The following MCF2L variants were observed in gnomAD, a reference collection of about 807,000 sequenced individuals.
MCF2L encodes the protein MCF.2 cell line derived transforming sequence like, also known as guanine nucleotide exchange factor DBS.
Under a neutral mutation model 153.4 loss-of-function variants are expected in MCF2L, and 97 were observed. That is an observed-to-expected ratio of 0.63 (90% CI 0.54 to 0.75). MCF2L has a LOEUF of 0.75. MCF2L is among the 30% of genes least tolerant of loss of function. The pLI, the probability that MCF2L is intolerant of heterozygous loss-of-function variation, is 0.00. For synonymous variants in MCF2L, 659 were observed against 632.2 expected (o/e 1.04, Z -0.64); for missense variants, 1,347 against 1,495.2 (o/e 0.90, Z 1.64).
At chr13:112,928,957 C>G (rs1002702327) in intron 2 of MCF2L, among the ~76,000 whole-genome samples, 3 of 152,214 alleles carry the variant, frequency 2.0e-5, no homozygotes, top group African/African-American at 7.2e-5. Flanking sequence ...CCTGTGGACA[C>G]AGAACCAGGA....
chr13:112,956,501 T>C (rs2081758983), intron 2 of MCF2L: 1 of 152,266 alleles, frequency 6.6e-6, no homozygotes. Context: ...CATTTATAAA[T>C]TTATAAAATT....
At chr13:112,900,596 G>C (rs72660087) in intron 1 of MCF2L, among the ~76,000 whole-genome samples, 4,830 of 152,254 alleles carry the variant, frequency 0.032, 104 homozygotes, top group Middle Eastern at 0.048. Context: ...GTGTGTTTGT[G>C]GGGTGGGAGT....
Position 113,053,615 on chromosome 13 carries a change from C to T in MCF2L, c.370-6978C>T, listed in dbSNP as rs1184846159. Among the ~76,000 whole-genome samples, 3 of 152,104 alleles carry T rather than the reference C, an allele frequency of 2.0e-5. No homozygotes were observed. The highest frequency in any genetic ancestry group is 6.5e-5 in the Admixed American group (1 of 15,274). ...ATGTGTGGTGATGCTCAGGACGGGG[C>T]GAAGGTCCCGTGGCTGAGGTGTCCA... On this transcript the variant is annotated intron_variant, in intron 4 of 29. Transcript: ENST00000535094. The surrounding 1 kb of genome is among the most constrained non-coding windows in gnomAD (Gnocchi z 4.4).
At chr13:113,093,021 C>A (rs932181168) in intron 26 of MCF2L, among the ~76,000 whole-genome samples, 3 of 152,244 alleles carry the variant, frequency 2.0e-5, no homozygotes, top group Non-Finnish European at 4.4e-5. Context: ...CAGCAGCCCC[C>A]CTTTTTTTGT....
rs769542709 is a variant in MCF2L, at chr13:112,904,909, G to GT, written c.169+2546dup. Among the ~76,000 whole-genome samples the GT allele has an allele frequency of 5.7e-4, 87 of 152,140 alleles. No individual in the cohort carries two copies. The highest frequency in any genetic ancestry group is 1.3e-3 in the African/African-American group (52 of 41,492). ...CAGAACAATTTCGAAATCAGTGATA[G>GT]TTTTTTTTGTCATAAAATAGACACC... On this transcript the variant is annotated intron_variant, in intron 2 of 29. Coordinates refer to the MCF2L transcript ENST00000375608. The surrounding 1 kb of genome is among the most constrained non-coding windows in gnomAD (Gnocchi z 4.2).
intron 3 of MCF2L, chr13:113,044,860 G>A (rs1186991187): frequency 9.9e-6 from 16 of 1,612,928 alleles, no homozygotes; most frequent in Non-Finnish European, 1.2e-5. Flanking sequence ...GACCAGCACG[G>A]GCACCTCAGA....
At chr13:113,087,668 A>G (rs1304189951) in intron 22 of MCF2L, 39 bp from the exon 23 acceptor site, 2 of 1,511,596 alleles carry the variant, frequency 1.3e-6, no homozygotes, top group African/African-American at 2.7e-5. Context: ...CAGTGGGTTC[A>G]CTGTGCACGC....
At chr13:112,981,445 A>T (rs568640834) in intron 1 of MCF2L, among the ~76,000 whole-genome samples, 43 of 152,314 alleles carry the variant, frequency 2.8e-4, no homozygotes, top group Admixed American at 8.5e-4. Context: ...CGTCCACGAC[A>T]TTCACACTCA....
At position 113,087,760 on chromosome 13, in the gene MCF2L, G is replaced by T. The variant is rs2034774954; in HGVS notation, c.2649G>T (p.Glu883Asp). Residue 883 changes from glutamate (E) to aspartate (D), a missense_variant, in exon 23 of 30, where the codon GAG becomes GAT. Glu to Asp is a conservative substitution (Grantham distance 45, BLOSUM62 2). Transcript: ENST00000535094. ...TGAAGGGAGATGCTAAGAAGTTCGA[G>T]ATCTGGTACAACGCGCGCGAGGAGG... ...ENVKGDAKKFEIWYNAREEVY... is the reference protein window; with the variant it reads ...ENVKGDAKKFDIWYNAREEVY... 1 of 1,614,028 alleles carries T rather than the reference G, an allele frequency of 6.2e-7. No homozygotes were observed. Among genetic ancestry groups the T allele is most frequent in the Non-Finnish European group, 8.5e-7 (1 of 1,180,048 alleles).
rs9549646 is a variant in MCF2L, at chr13:113,031,304, G to A, written c.278+6546G>A. ...GGAGACACAGAGATAAAGAGAGCAC[G>A]AGGGAGGCAGAGGGCAGGGGTGGCA... On this transcript the variant is annotated intron_variant, in intron 3 of 29. Transcript: ENST00000535094. This position sits in a 1 kb window ranked among gnomAD's most constrained non-coding sequence, Gnocchi z 5.5. Among the ~76,000 whole-genome samples the A allele has an allele frequency of 0.46, 70,431 of 151,924 alleles. 16,881 individuals carry two copies. The highest frequency in any genetic ancestry group is 0.53 in the Non-Finnish European group (35,990 of 67,946).
Position 113,075,146 on chromosome 13 carries a change from G to A in MCF2L, c.1265G>A (p.Gly422Glu), listed in dbSNP as rs1052686069. ...QFSAEIARRRGLLSKSLELHR... is the reference protein window; with the variant it reads ...QFSAEIARRRELLSKSLELHR... ...TCTGCGGAGATCGCAAGGAGGAGGG[G>A]GCTGCTCAGCAAGTCCCTGGAGCTG... Residue 422 changes from glycine (G) to glutamate (E), a missense_variant, in exon 11 of 30, where the codon GGG (glycine) becomes GAG (glutamate). By Grantham distance (98) the Gly-to-Glu change is moderately conservative (BLOSUM62 -2). Transcript: ENST00000535094. The A allele has an allele frequency of 1.2e-6, 2 of 1,611,968 alleles. No individual in the cohort carries two copies. The highest frequency in any genetic ancestry group is 2.2e-5 in the East Asian group (1 of 44,800).
chr13:113,044,883 C>A, intron 3 of MCF2L: 1 of 1,612,878 alleles, frequency 6.2e-7, no homozygotes, highest in Non-Finnish European at 8.5e-7. Flanking sequence ...CCAGGACCGG[C>A]GTGATGTATG....
intron 2 of MCF2L, among the ~76,000 whole-genome samples, chr13:112,923,477 G>T (rs527793849): frequency 6.6e-6 from 1 of 151,960 alleles, no homozygotes; most frequent in Non-Finnish European, 1.5e-5. Context: ...TGTTAGCCAG[G>T]ATGGTCTCAA....
intron 2 of MCF2L, among the ~76,000 whole-genome samples, chr13:112,935,711 C>T (rs2081507991): frequency 6.6e-6 from 1 of 152,154 alleles, no homozygotes; most frequent in African/African-American, 2.4e-5. Flanking sequence ...ATACTTTCAG[C>T]GTACACTGGG....
chr13:112,969,179 C>G (rs2081957498), upstream of MCF2L: 1 of 708,240 alleles, frequency 1.4e-6, no homozygotes, highest in Non-Finnish European at 1.8e-6. This position sits in a 1 kb window ranked among gnomAD's most constrained non-coding sequence, Gnocchi z 4.8. Context: ...GCCCCCCGCC[C>G]CCCGCGGCGC....
intron 1 of MCF2L, among the ~76,000 whole-genome samples, chr13:113,002,652 C>G (rs2083448576): frequency 6.6e-6 from 1 of 152,190 alleles, no homozygotes; most frequent in Non-Finnish European, 1.5e-5. Context: ...GGCAAGGTCC[C>G]TGGAGAAGGG....
Position 113,087,747 on chromosome 13 carries a change from C to T in MCF2L, c.2636C>T (p.Ala879Val). 2 of 1,614,096 alleles carry T rather than the reference C, an allele frequency of 1.2e-6. No individual in the cohort carries two copies. The highest frequency in any genetic ancestry group is 1.3e-5 in the African/African-American group (1 of 75,056). The change falls in exon 23 of 30, where the codon GCT becomes GTT. Residue 879 changes from alanine (A) to valine (V), a missense_variant. This residue lies in a region of MCF2L where 383 missense variants were observed against 335.4 expected (regional missense o/e 1.14). Coordinates refer to ENST00000535094, the MANE Select transcript of MCF2L (RefSeq NM_001112732.3). ...ATTACGGAGAACGTGAAGGGAGATG[C>T]TAAGAAGTTCGAGATCTGGTACAAC... Reference protein sequence around the residue: ...VGITENVKGDAKKFEIWYNAR... With the variant: ...VGITENVKGDVKKFEIWYNAR...
chr13:113,094,427 C>G, intron 26 of MCF2L, 87 bp from the exon 27 acceptor site: 1 of 1,416,628 alleles, frequency 7.1e-7, no homozygotes, highest in Non-Finnish European at 9.5e-7. Flanking sequence ...TTCAGGGGGT[C>G]TGTGGGACTT....
intron 3 of MCF2L, among the ~76,000 whole-genome samples, chr13:113,033,174 CCATGA>C (rs1347439590): frequency 8.1e-5 from 12 of 147,602 alleles, no homozygotes; most frequent in African/African-American, 3.1e-4. Context: ...TGAGTGGCCC[CCATGA>C]CGTGAGTGGA....
Sources: allele counts gnomAD v4.1 joint callset (sites outside exome capture counted in the v4.1 genomes callset), GRCh38; gene constraint gnomAD v4.1.1; regional missense constraint gnomAD v4.1.1; non-coding constraint Gnocchi (gnomAD v3.1); transcripts MANE v1.5; gene names NCBI Gene and HGNC (gene_info 2026-07-23, HGNC 2026-07-21).